The following TRERF1 variants were observed in gnomAD, a reference collection of about 807,000 sequenced individuals.
TRERF1 encodes the protein transcriptional-regulating factor 1.
A neutral mutation model predicts 122.9 loss-of-function variants in TRERF1; 27 were observed. The ratio of observed to expected loss-of-function variants is 0.22; its 90% CI spans 0.16 to 0.30. The LOEUF is 0.30. Among genes scored for constraint, TRERF1 ranks in the 10% least tolerant of loss-of-function variants. The pLI is 1.00. For missense variants in TRERF1, 1,248 were observed against 1,560.3 expected (o/e 0.80, Z 3.37); for synonymous variants, 636 against 641.7 (o/e 0.99, Z 0.13).
intron 2 of TRERF1, among the ~76,000 whole-genome samples, chr6:42,381,381 C>T (rs1775894384): frequency 6.6e-6 from 1 of 151,262 alleles, no homozygotes; most frequent in African/African-American, 2.4e-5. Flanking sequence ...ATTGGACCAC[C>T]CACCCAGGCA....
At chr6:42,440,091 C>T (rs1786221506) in intron 2 of TRERF1, among the ~76,000 whole-genome samples, 1 of 152,170 alleles carries the variant, frequency 6.6e-6, no homozygotes, top group African/African-American at 2.4e-5. Context: ...GGGCACTCAT[C>T]TCTTCTAACA....
intron 8 of TRERF1, among the ~76,000 whole-genome samples, chr6:42,262,495 G>GAC (rs1778258195): frequency 2.3e-4 from 3 of 13,220 alleles, no homozygotes; most frequent in Admixed American, 5.7e-4. Flanking sequence ...GAGAGAGAGA[G>GAC]AGAGAGAGAG....
intron 2 of TRERF1, among the ~76,000 whole-genome samples, chr6:42,406,679 C>T (rs573186161): frequency 1.4e-4 from 22 of 152,254 alleles, no homozygotes; most frequent in African/African-American, 2.6e-4. Flanking sequence ...AGTCACTAGC[C>T]CCTTGCCCTG....
chr6:42,276,831 C>A lies in TRERF1; in HGVS notation c.-258-6983G>T, dbSNP rs1311324290. ...TTTGGGCAGCAAGAAACATTCATTT[C>A]TCTACCCTCAGGTCTCACCCTGTAG... is the stretch of plus-strand genomic sequence containing the variant. On this transcript the variant is annotated intron_variant, in intron 4 of 17. Coordinates refer to ENST00000372922, the Ensembl canonical transcript of TRERF1. The surrounding 1 kb of genome is among the most constrained non-coding windows in gnomAD (Gnocchi z 4.3). Among the ~76,000 whole-genome samples the A allele has an allele frequency of 6.6e-6, 1 of 152,182 alleles. No homozygotes were observed. The highest frequency in any genetic ancestry group is 1.5e-5 in the Non-Finnish European group (1 of 68,034).
intron 3 of TRERF1, among the ~76,000 whole-genome samples, chr6:42,341,320 T>C (rs758140937): frequency 1.1e-4 from 16 of 152,242 alleles, no homozygotes; most frequent in Non-Finnish European, 2.1e-4. Flanking sequence ...TCCTCAGTAC[T>C]GGCCAAATAT....
At chr6:42,226,914 A>G (rs754777051) in exon 18 of TRERF1, 2 of 152,240 alleles carry the variant, frequency 1.3e-5, no homozygotes, top group Non-Finnish European at 2.9e-5. Flanking sequence ...ATTAACTCCA[A>G]AAGGGGAGTT....
At chr6:42,321,490 A>G (rs1763447623) in intron 3 of TRERF1, among the ~76,000 whole-genome samples, 1 of 152,256 alleles carries the variant, frequency 6.6e-6, no homozygotes, top group East Asian at 1.9e-4. Flanking sequence ...GCTGTAAAAG[A>G]AAGTATCCAT....
intron 3 of TRERF1, among the ~76,000 whole-genome samples, chr6:42,356,134 C>T (rs1408552298): frequency 1.3e-5 from 2 of 152,172 alleles, no homozygotes; most frequent in East Asian, 3.9e-4. Flanking sequence ...GGATGCTTCC[C>T]CTCTTCCACA....
intron 2 of TRERF1, among the ~76,000 whole-genome samples, chr6:42,411,739 C>T (rs138866420): frequency 2.3e-3 from 352 of 152,324 alleles, no homozygotes; most frequent in African/African-American, 8.0e-3. Flanking sequence ...CTCAGCCCAA[C>T]AGACCCCACA....
At chr6:42,322,481 C>A (rs1763611496) in intron 3 of TRERF1, among the ~76,000 whole-genome samples, 1 of 152,042 alleles carries the variant, frequency 6.6e-6, no homozygotes, top group East Asian at 1.9e-4. Flanking sequence ...CCAAATAAAG[C>A]AAAATGCCCT....
chr6:42,294,970 T>C (rs147577656), intron 4 of TRERF1, among the ~76,000 whole-genome samples: 5 of 151,736 alleles, frequency 3.3e-5, no homozygotes, highest in East Asian at 3.9e-4. Context: ...GGATGAATCA[T>C]GATCAGGACA....
At chr6:42,254,588 G>C (rs1195074039) in intron 13 of TRERF1, among the ~76,000 whole-genome samples, 1 of 152,148 alleles carries the variant, frequency 6.6e-6, no homozygotes, top group African/African-American at 2.4e-5. Context: ...CTGGTCTCAT[G>C]CACTCGTCTC....
At chr6:42,343,238 C>T (rs113131722) in intron 3 of TRERF1, among the ~76,000 whole-genome samples, 55 of 152,312 alleles carry the variant, frequency 3.6e-4, no homozygotes, top group African/African-American at 1.2e-3. Context: ...TTCCCAGTTA[C>T]AAACAACTCG....
chr6:42,370,443 G>A (rs989545782), intron 2 of TRERF1, among the ~76,000 whole-genome samples: 2 of 152,146 alleles, frequency 1.3e-5, no homozygotes, highest in Non-Finnish European at 2.9e-5. Context: ...CCAGAGCTGG[G>A]CATGGTGACA....
chr6:42,408,361 A>G (rs1780606680), intron 2 of TRERF1, among the ~76,000 whole-genome samples: 1 of 86,738 alleles, frequency 1.2e-5, no homozygotes, highest in Admixed American at 1.6e-4. Context: ...GTGTGTATAT[A>G]TATATATATA....
chr6:42,236,407 C>A, exon 16 of TRERF1: 1 of 1,552,752 alleles, frequency 6.4e-7, no homozygotes, highest in Non-Finnish European at 8.7e-7. Flanking sequence ...TTCTTCTTCA[C>A]TTGTCTAGTG....
At chr6:42,227,407 G>A (rs2149446506) in exon 18 of TRERF1, 1 of 152,234 alleles carries the variant, frequency 6.6e-6, no homozygotes, top group Admixed American at 6.5e-5. Flanking sequence ...ATCATTAACA[G>A]CGTTGCAAAA....
At chr6:42,253,533 C>T (rs545191286) in intron 13 of TRERF1, among the ~76,000 whole-genome samples, 6 of 152,302 alleles carry the variant, frequency 3.9e-5, no homozygotes, top group Admixed American at 1.3e-4. Context: ...ACACTTGGGA[C>T]AGACACCAAG....
chr6:42,421,603 G>A (rs187155381), intron 2 of TRERF1, among the ~76,000 whole-genome samples: 136 of 151,628 alleles, frequency 9.0e-4, no homozygotes, highest in Non-Finnish European at 1.5e-3. Flanking sequence ...GCAAGACCCC[G>A]TCTCTACTAA....
Sources: allele counts gnomAD v4.1 joint callset (sites outside exome capture counted in the v4.1 genomes callset), GRCh38; gene constraint gnomAD v4.1.1; non-coding constraint Gnocchi (gnomAD v3.1); transcripts MANE v1.5; gene names NCBI Gene and HGNC (gene_info 2026-07-23, HGNC 2026-07-21).